The following DAAM1 variants were observed in gnomAD, a reference collection of about 807,000 sequenced individuals.
DAAM1 encodes disheveled-associated activator of morphogenesis 1.
A neutral mutation model predicts 130.0 loss-of-function variants in DAAM1; 52 were observed. That is an observed-to-expected ratio of 0.40 (90% CI 0.32 to 0.50). The LOEUF is 0.50. DAAM1 is among the 20% of genes least tolerant of loss of function. The probability of loss-of-function intolerance (pLI) is 0.61; values close to 1 mark genes in which losing one functional copy is unlikely to be tolerated. For synonymous variants in DAAM1, 452 were observed against 444.5 expected (o/e 1.02, Z -0.21); for missense variants, 1,134 against 1,303.8 (o/e 0.87, Z 2.01).
intron 2 of DAAM1, among the ~76,000 whole-genome samples, chr14:59,273,641 G>A (rs1476203264): frequency 2.0e-5 from 3 of 152,128 alleles, no homozygotes; most frequent in Non-Finnish European, 2.9e-5. Context: ...ATACAAAGTC[G>A]TTATAGTATA....
intron 14 of DAAM1, 90 bp downstream of exon 14, chr14:59,331,598 A>G: frequency 6.6e-7 from 1 of 1,511,104 alleles, no homozygotes. Flanking sequence ...CTGGCTGTTA[A>G]ATGATTTCAT....
intron 1 of DAAM1, among the ~76,000 whole-genome samples, chr14:59,190,486 A>G (rs1887699965): frequency 6.6e-6 from 1 of 152,158 alleles, no homozygotes; most frequent in African/African-American, 2.4e-5. Flanking sequence ...AATTTGCTCT[A>G]GGTGCAGCTG....
chr14:59,198,329 C>T (rs1887977264), intron 1 of DAAM1, among the ~76,000 whole-genome samples: 1 of 151,924 alleles, frequency 6.6e-6, no homozygotes, highest in Admixed American at 6.6e-5. Context: ...CCTCAGCCTC[C>T]CAAGTAGCTG....
chr14:59,263,670 AG>A lies in DAAM1; in HGVS notation c.183+11del. On this transcript the variant is annotated intron_variant, in intron 2 of 24. Coordinates refer to ENST00000360909, the MANE Select transcript of DAAM1 (RefSeq NM_001270520.2). Reference sequence around the variant, plus strand: ...GTTCAGTGAACTGGTGGTGAGTCCCAGTTTTCTATCCTGGCATTGGTGGGGA... The same window carrying A: ...GTTCAGTGAACTGGTGGTGAGTCCCATTTTCTATCCTGGCATTGGTGGGGA... 6.2e-7 allele frequency: 1 copy of A among 1,613,548 alleles called. No individual in the cohort carries two copies. The highest frequency in any genetic ancestry group is 1.1e-5 in the South Asian group (1 of 91,034).
At chr14:59,233,118 T>C (rs1355833728) in intron 1 of DAAM1, among the ~76,000 whole-genome samples, 2 of 152,226 alleles carry the variant, frequency 1.3e-5, no homozygotes, top group African/African-American at 2.4e-5. Flanking sequence ...TGTGTCTTTA[T>C]AGTAGAATGA....
chr14:59,321,191 T>C (rs1186887800), intron 5 of DAAM1, among the ~76,000 whole-genome samples: 1 of 152,174 alleles, frequency 6.6e-6, no homozygotes, highest in Non-Finnish European at 1.5e-5. Flanking sequence ...ATATGCTAAG[T>C]GGGAGAAGCC....
intron 2 of DAAM1, chr14:59,266,227 A>C (rs761424997): frequency 6.6e-6 from 1 of 151,198 alleles, no homozygotes; most frequent in Non-Finnish European, 1.5e-5. Flanking sequence ...GACTGCCCTC[A>C]AGTTGGTGTT....
At chr14:59,285,096 C>T (rs1271286021) in intron 2 of DAAM1, among the ~76,000 whole-genome samples, 3 of 152,150 alleles carry the variant, frequency 2.0e-5, no homozygotes, top group African/African-American at 7.2e-5. Flanking sequence ...CCCCATCAAG[C>T]TAACAGTGGA....
intron 1 of DAAM1, among the ~76,000 whole-genome samples, chr14:59,212,054 T>C (rs2139412406): frequency 6.6e-6 from 1 of 152,314 alleles, no homozygotes; most frequent in East Asian, 1.9e-4. Flanking sequence ...ACTTTCTTTA[T>C]GTAGGTTTCA....
chr14:59,246,670 T>C (rs1881395433), intron 1 of DAAM1, among the ~76,000 whole-genome samples: 1 of 152,176 alleles, frequency 6.6e-6, no homozygotes. Context: ...TCCCAGCAAC[T>C]GTACAGGGTT....
At chr14:59,364,543 C>T (rs563112858) in intron 23 of DAAM1, among the ~76,000 whole-genome samples, 7 of 133,952 alleles carry the variant, frequency 5.2e-5, no homozygotes, top group African/African-American at 1.7e-4. Flanking sequence ...TTTCTATCCT[C>T]TTCTCATTCT....
intron 1 of DAAM1, among the ~76,000 whole-genome samples, chr14:59,261,099 A>G (rs148630346): frequency 1.6e-4 from 24 of 152,278 alleles, no homozygotes; most frequent in African/African-American, 5.8e-4. Context: ...ATGGTGGCAT[A>G]TACAGCACAG....
chr14:59,323,518 A>G (rs1885098550), intron 6 of DAAM1, among the ~76,000 whole-genome samples: 1 of 152,202 alleles, frequency 6.6e-6, no homozygotes, highest in Non-Finnish European at 1.5e-5. Flanking sequence ...GTGTTCCCTG[A>G]AAATTTTACA....
At chr14:59,333,617 A>G (rs925603707) in intron 15 of DAAM1, among the ~76,000 whole-genome samples, 1 of 152,194 alleles carries the variant, frequency 6.6e-6, no homozygotes, top group Non-Finnish European at 1.5e-5. Context: ...TTGCTTTCCC[A>G]CTTCAGTTTT....
At chr14:59,287,587 T>G (rs923312836) in intron 2 of DAAM1, among the ~76,000 whole-genome samples, 1 of 152,176 alleles carries the variant, frequency 6.6e-6, no homozygotes, top group Non-Finnish European at 1.5e-5. Flanking sequence ...AGTTACAGGA[T>G]GCAAAACCAA....
chr14:59,249,260 C>G (rs1197019483), intron 1 of DAAM1, among the ~76,000 whole-genome samples: 2 of 152,160 alleles, frequency 1.3e-5, no homozygotes, highest in Non-Finnish European at 2.9e-5. Flanking sequence ...AGGTATTTTC[C>G]CAAAGCTTCA....
At chr14:59,317,823 C>T (rs1421752728) in intron 4 of DAAM1, among the ~76,000 whole-genome samples, 1 of 152,128 alleles carries the variant, frequency 6.6e-6, no homozygotes, top group Admixed American at 6.5e-5. Flanking sequence ...TTCCAATTTG[C>T]CTCTCACTAA....
At chr14:59,264,614 G>T (rs1882346759) in intron 2 of DAAM1, 1 of 151,976 alleles carries the variant, frequency 6.6e-6, no homozygotes, top group Non-Finnish European at 1.5e-5. Context: ...ATCACCACTG[G>T]CATTTTGTAA....
chr14:59,337,006 C>T (rs986489631), intron 15 of DAAM1, among the ~76,000 whole-genome samples: 2 of 152,170 alleles, frequency 1.3e-5, no homozygotes, highest in Non-Finnish European at 2.9e-5. Context: ...CAGGCCTCTA[C>T]ACTAGAGGTC....
Sources: gnomAD v4.1 joint callset for allele counts (sites outside exome capture counted in the v4.1 genomes callset) on GRCh38, gnomAD v4.1.1 for gene constraint, MANE v1.5 for transcripts, NCBI Gene and HGNC (gene_info 2026-07-23, HGNC 2026-07-21) for gene names.